Variants in RGMA observed in about 807,000 individuals in gnomAD.
RGMA encodes repulsive guidance molecule A.
A neutral mutation model predicts 23.2 loss-of-function variants in RGMA; 10 were observed. That is an observed-to-expected ratio of 0.43 (90% CI 0.27 to 0.73). The LOEUF is 0.73. Ranked by LOEUF, RGMA falls within the 30% of genes least tolerant of loss-of-function variation. RGMA has a pLI of 0.20. For missense variants in RGMA, 547 were observed against 630.5 expected (o/e 0.87, Z 1.42); for synonymous variants, 308 against 279.3 (o/e 1.10, Z -1.03).
intron 2 of RGMA, among the ~76,000 whole-genome samples, chr15:93,057,158 TG>T (rs1307324220): frequency 1.3e-5 from 2 of 152,282 alleles, no homozygotes; most frequent in East Asian, 1.9e-4. Context: ...GATCAGTCAA[TG>T]GTCATGACTG....
intron 1 of RGMA, among the ~76,000 whole-genome samples, chr15:93,075,241 A>C (rs1381544628): frequency 4.6e-5 from 7 of 152,218 alleles, no homozygotes; most frequent in Admixed American, 4.6e-4. Flanking sequence ...TAAATAAAAT[A>C]CATGTGCAGC....
In RGMA at chr15:93,045,082, C is replaced by T. The variant is rs758280362; in HGVS notation, c.1269G>A (p.Arg423=). Residue 423 remains arginine, a synonymous_variant, in exon 4 of 4, where the codon AGG becomes AGA. Transcript: ENST00000329082. The surrounding 1 kb of genome is among the most constrained non-coding windows in gnomAD (Gnocchi z 6.9). ...GGGCCAGGGGCAGCCCCGCAGCCGC[C>T]CTGCCTGGCAGGTCCCGAGTCCTCT... ...LYERTRDLPG[R]AAAGLPLAPR... 1.5e-5 allele frequency: 23 copies of T among 1,575,656 alleles called. No homozygotes were observed. Among genetic ancestry groups the T allele is most frequent in the Non-Finnish European group, 1.7e-5 (20 of 1,161,056 alleles).
rs1473427951 is a variant in RGMA at position 93,072,998 on chromosome 15, C to G, written c.48G>C (p.Trp16Cys). 6.2e-7 allele frequency: 1 copy of G among 1,611,356 alleles called. No homozygotes were observed. Residue 16 changes from tryptophan to cysteine, a missense_variant, in exon 2 of 4, where the codon TGG (tryptophan) becomes TGC (cysteine). Physicochemically the swap from Trp to Cys is radical, Grantham distance 215. Around this residue, in one of 3 missense-constraint regions of RGMA, gnomAD observed 214 missense variants for 234.7 expected, o/e 0.91. Transcript: ENST00000329082. Reference protein sequence around the residue: ...ERLVVTGRAGWMGMGRGAGRS... With the variant: ...ERLVVTGRAGCMGMGRGAGRS... The stretch of plus-strand genomic sequence containing the variant: ...GTCCTGCCCCTCTCCCCATACCCAT[C>G]CATCCAGCTCGGCCTGTTACCACTA...
intron 1 of RGMA, among the ~76,000 whole-genome samples, chr15:93,088,060 C>A (rs918691524): frequency 6.6e-6 from 1 of 152,182 alleles, no homozygotes; most frequent in Non-Finnish European, 1.5e-5. Context: ...CGCGAGACAC[C>A]CAATTTATAA....
At chr15:93,073,143 C>G (rs549129020) in intron 1 of RGMA, 112 bp from the exon 2 acceptor site, 1 of 1,239,768 alleles carries the variant, frequency 8.1e-7, no homozygotes, top group African/African-American at 1.6e-5. Context: ...ACCTCGGCCG[C>G]GGGCGCCCGG....
chr15:93,039,898 C>G lies in RGMA; in HGVS notation c.*5100G>C, dbSNP rs1391880069. On this transcript the variant is annotated 3_prime_UTR_variant, in exon 4 of 4. Coordinates refer to ENST00000329082, the MANE Select transcript of RGMA (RefSeq NM_020211.3). ...GCCCCAAGTCACCTCCATATAGTAA[C>G]TAGAACAATTCCTTTAATACCCAAG... The G allele has an allele frequency of 6.6e-6, 1 of 152,240 alleles. No individual in the cohort carries two copies. Among genetic ancestry groups the G allele is most frequent in the East Asian group, 1.9e-4 (1 of 5,200 alleles). 9.4% of individuals were successfully genotyped at this position (152,240 alleles called of 1,614,324 possible).
At chr15:93,086,232 G>A (rs975595383) in intron 1 of RGMA, among the ~76,000 whole-genome samples, 10 of 152,230 alleles carry the variant, frequency 6.6e-5, no homozygotes, top group Non-Finnish European at 1.3e-4. Context: ...CCTTTGGGAT[G>A]TTATAAGTCA....
chr15:93,077,945 T>A (rs1315078149), intron 1 of RGMA, among the ~76,000 whole-genome samples: 1 of 152,244 alleles, frequency 6.6e-6, no homozygotes, highest in African/African-American at 2.4e-5. Context: ...TGGGCTCAAG[T>A]GATCTGCCTG....
chr15:93,059,087 C>T (rs911466650), intron 2 of RGMA, among the ~76,000 whole-genome samples: 3 of 152,132 alleles, frequency 2.0e-5, no homozygotes, highest in African/African-American at 4.8e-5. Flanking sequence ...CGGGCTCGAG[C>T]GGGCCTGGGT....
At chr15:93,057,898 G>T (rs1038041887) in intron 2 of RGMA, among the ~76,000 whole-genome samples, 1 of 152,172 alleles carries the variant, frequency 6.6e-6, no homozygotes, top group Non-Finnish European at 1.5e-5. Context: ...GGAGACCTCT[G>T]TACCCCACAG....
intron 1 of RGMA, among the ~76,000 whole-genome samples, chr15:93,076,371 T>C (rs1895473279): frequency 2.0e-5 from 3 of 152,164 alleles, no homozygotes; most frequent in Admixed American, 2.0e-4. Context: ...GGGGCAGTGA[T>C]AGTCAGGGGT....
Position 93,042,745 on chromosome 15 carries a change from G to T in RGMA, c.*2253C>A, listed in dbSNP as rs12438714. 0.19 allele frequency: 28,713 copies of T among 152,210 alleles called. 4,599 individuals carry two copies. Among genetic ancestry groups the T allele is most frequent in the East Asian group, 0.76 (3,912 of 5,166 alleles). The allele number at this position is 152,210 out of a possible 1,614,324, so 9.4% of individuals were successfully genotyped here. On this transcript the variant is annotated 3_prime_UTR_variant, in exon 4 of 4. Coordinates refer to ENST00000329082, the MANE Select transcript of RGMA (RefSeq NM_020211.3). ...TTCTTCCTGATTCACTGGGTAGTTT[G>T]TACAGATGAAATGTGATCACAGCTG...
chr15:93,073,141 C>T, intron 1 of RGMA, 110 bp from the exon 2 acceptor site: 1 of 1,248,482 alleles, frequency 8.0e-7, no homozygotes, highest in Non-Finnish European at 1.0e-6. Flanking sequence ...CCACCTCGGC[C>T]GCGGGCGCCC....
chr15:93,078,202 AC>A (rs1174199024), intron 1 of RGMA, among the ~76,000 whole-genome samples: 2 of 152,164 alleles, frequency 1.3e-5, no homozygotes, highest in African/African-American at 2.4e-5. Context: ...TTTTGCTGAA[AC>A]TAGCTTGATC....
intron 2 of RGMA, chr15:93,066,559 T>G: frequency 2.1e-6 from 1 of 474,222 alleles, no homozygotes; most frequent in Non-Finnish European, 4.1e-6. Flanking sequence ...TTCTGGGGCT[T>G]CCCTGCGGGC....
At chr15:93,066,540 C>T (rs549166511) in intron 2 of RGMA, 101 of 490,100 alleles carry the variant, frequency 2.1e-4, no homozygotes, top group African/African-American at 1.9e-3. Flanking sequence ...GCCCTCCCCG[C>T]CACCTGCTTT....
chr15:93,060,747 A>G (rs1017329105), intron 2 of RGMA, among the ~76,000 whole-genome samples: 3 of 152,208 alleles, frequency 2.0e-5, no homozygotes, highest in African/African-American at 7.2e-5. Flanking sequence ...GAGCCTGGGG[A>G]TGTCACAGGT....
chr15:93,072,532 G>T (rs551103165), intron 2 of RGMA, among the ~76,000 whole-genome samples: 3 of 152,186 alleles, frequency 2.0e-5, no homozygotes, highest in Admixed American at 2.0e-4. Flanking sequence ...TTTGCAAACT[G>T]CTGGGCGAGG....
At chr15:93,076,766 A>G (rs1895479096) in intron 1 of RGMA, among the ~76,000 whole-genome samples, 1 of 152,188 alleles carries the variant, frequency 6.6e-6, no homozygotes, top group Non-Finnish European at 1.5e-5. Context: ...GTACGCACCC[A>G]ATAAATGGCT....
Sources: allele counts gnomAD v4.1 joint callset (sites outside exome capture counted in the v4.1 genomes callset), GRCh38; gene constraint gnomAD v4.1.1; regional missense constraint gnomAD v4.1.1; non-coding constraint Gnocchi (gnomAD v3.1); transcripts MANE v1.5; gene names NCBI Gene and HGNC (gene_info 2026-07-23, HGNC 2026-07-21).